The following NELL1 variants were observed in gnomAD, a reference collection of about 807,000 sequenced individuals.
NELL1 encodes neural EGFL like 1, also known as protein kinase C-binding protein NELL1.
Under a neutral mutation model 107.4 loss-of-function variants are expected in NELL1, and 76 were observed. The ratio of observed to expected loss-of-function variants is 0.71; its 90% CI spans 0.59 to 0.86. The LOEUF (loss-of-function observed/expected upper bound fraction) is 0.86. Among genes scored for constraint, NELL1 ranks in the 40% least tolerant of loss-of-function variants. The probability of loss-of-function intolerance (pLI) is 0.00; values close to 1 mark genes in which losing one functional copy is unlikely to be tolerated. For synonymous variants in NELL1, 353 were observed against 341.2 expected (o/e 1.03, Z -0.38); for missense variants, 1,024 against 1,005.5 (o/e 1.02, Z -0.25).
intron 2 of NELL1, among the ~76,000 whole-genome samples, chr11:20,689,442 C>A (rs964911432): frequency 9.0e-6 from 1 of 111,100 alleles, no homozygotes; most frequent in Non-Finnish European, 1.8e-5. Context: ...CCCCTCCCCC[C>A]ACCCCACAAC....
At chr11:21,286,164 T>G (rs1849110500) in intron 14 of NELL1, among the ~76,000 whole-genome samples, 1 of 152,222 alleles carries the variant, frequency 6.6e-6, no homozygotes, top group South Asian at 2.1e-4. Context: ...ATTACCTTGG[T>G]CTAACCTTTC....
chr11:21,267,126 GA>G (rs1385309575), intron 14 of NELL1, among the ~76,000 whole-genome samples: 4 of 152,026 alleles, frequency 2.6e-5, no homozygotes, highest in Admixed American at 6.6e-5. Context: ...TAATAACAAA[GA>G]GAGATGAAGA....
intron 4 of NELL1, among the ~76,000 whole-genome samples, chr11:20,867,678 C>T (rs946436525): frequency 3.9e-5 from 6 of 152,096 alleles, no homozygotes; most frequent in South Asian, 2.1e-4. Context: ...TAAGAGCATA[C>T]GGTGTGCATA....
chr11:21,489,239 A>G (rs1296016027), intron 15 of NELL1, among the ~76,000 whole-genome samples: 1 of 151,908 alleles, frequency 6.6e-6, no homozygotes, highest in East Asian at 1.9e-4. Flanking sequence ...GAAGAAATAG[A>G]AACCTGAACA....
At chr11:21,125,635 G>A (rs1015488881) in intron 13 of NELL1, among the ~76,000 whole-genome samples, 1 of 152,178 alleles carries the variant, frequency 6.6e-6, no homozygotes, top group Non-Finnish European at 1.5e-5. Flanking sequence ...ATGGGAAAGA[G>A]CATTGGTACT....
intron 2 of NELL1, among the ~76,000 whole-genome samples, chr11:20,728,935 A>G (rs1291210199): frequency 6.6e-6 from 1 of 152,164 alleles, no homozygotes; most frequent in East Asian, 1.9e-4. Context: ...TTGCAATCCA[A>G]AAGAATGGAA....
intron 14 of NELL1, among the ~76,000 whole-genome samples, chr11:21,307,476 TAC>T (rs1849631892): frequency 6.6e-6 from 1 of 151,960 alleles, no homozygotes; most frequent in Admixed American, 6.6e-5. Context: ...TATTTACCGG[TAC>T]ACTCACACAC....
chr11:21,252,458 G>A (rs911092852), intron 14 of NELL1, among the ~76,000 whole-genome samples: 4 of 152,104 alleles, frequency 2.6e-5, no homozygotes, highest in Non-Finnish European at 2.9e-5. Context: ...ACTCCCGTTT[G>A]ACCATGCGTA....
At chr11:21,437,790 C>A (rs1037486187) in intron 15 of NELL1, among the ~76,000 whole-genome samples, 2 of 152,138 alleles carry the variant, frequency 1.3e-5, no homozygotes, top group African/African-American at 4.8e-5. Flanking sequence ...TCTATACTTA[C>A]AAGTGAAGTG....
chr11:21,289,316 T>C (rs1849198089), intron 14 of NELL1, among the ~76,000 whole-genome samples: 1 of 152,174 alleles, frequency 6.6e-6, no homozygotes, highest in Non-Finnish European at 1.5e-5. Context: ...AATACCTGGC[T>C]CATCTCATTG....
chr11:20,993,749 A>G (rs1179113019), intron 12 of NELL1, among the ~76,000 whole-genome samples: 2 of 152,202 alleles, frequency 1.3e-5, no homozygotes, highest in African/African-American at 4.8e-5. Flanking sequence ...GAATAATGAC[A>G]AGAAAAATGT....
chr11:20,993,330 G>A lies in NELL1; in HGVS notation c.1300+32770G>A, dbSNP rs369534658. Among the ~76,000 whole-genome samples, 5 of 152,204 alleles carry A rather than the reference G, an allele frequency of 3.3e-5. No homozygotes were observed. The East Asian group carries it at 9.7e-4, about 29-fold the overall frequency. On this transcript the variant is annotated intron_variant, in intron 12 of 19. Transcript: ENST00000357134. ...TTGTGGGCAGGGGATACTATAACTA[G>A]TTTATCACTGGTGCTCAATACTTGT...
At chr11:21,334,544 C>T (rs1212900489) in intron 14 of NELL1, among the ~76,000 whole-genome samples, 1 of 151,864 alleles carries the variant, frequency 6.6e-6, no homozygotes, top group African/African-American at 2.4e-5. Context: ...TGTAAGAGAC[C>T]TGTCTCTGTC....
chr11:20,833,637 A>G (rs1242034002), intron 3 of NELL1, among the ~76,000 whole-genome samples: 1 of 152,220 alleles, frequency 6.6e-6, no homozygotes, highest in South Asian at 2.1e-4. Context: ...ATATTTAAGT[A>G]CAGAGATAGC....
chr11:21,000,898 A>G (rs1852203724), intron 12 of NELL1: 1 of 152,036 alleles, frequency 6.6e-6, no homozygotes, highest in Non-Finnish European at 1.5e-5. Flanking sequence ...AGCACCCGGT[A>G]TTCCCAGGAG....
At chr11:21,284,132 A>C (rs1315306569) in intron 14 of NELL1, 1 of 412,880 alleles carries the variant, frequency 2.4e-6, no homozygotes, top group African/African-American at 2.0e-5. Context: ...GGCTTTGAAG[A>C]GTAGCGTTAA....
intron 15 of NELL1, among the ~76,000 whole-genome samples, chr11:21,422,268 C>T (rs894906037): frequency 8.6e-5 from 13 of 152,044 alleles, no homozygotes; most frequent in Non-Finnish European, 1.9e-4. Flanking sequence ...GAATGTAATG[C>T]AAAACTCCAT....
intron 13 of NELL1, among the ~76,000 whole-genome samples, chr11:21,123,876 ATGT>A (rs2133746458): frequency 6.6e-6 from 1 of 152,356 alleles, no homozygotes; most frequent in East Asian, 1.9e-4. Context: ...TATTAAAATA[ATGT>A]TTAAAAGAAT....
chr11:21,179,108 C>G (rs1856772072), intron 13 of NELL1, among the ~76,000 whole-genome samples: 1 of 151,858 alleles, frequency 6.6e-6, no homozygotes, highest in Non-Finnish European at 1.5e-5. Flanking sequence ...GGGTTCTAAC[C>G]TTCAAGAAAT....
Sources: allele counts gnomAD v4.1 joint callset (sites outside exome capture counted in the v4.1 genomes callset), GRCh38; gene constraint gnomAD v4.1.1; transcripts MANE v1.5; gene names NCBI Gene and HGNC (gene_info 2026-07-23, HGNC 2026-07-21).